MYBPC1: variants seen among roughly 807,000 people sequenced by gnomAD.
MYBPC1 encodes myosin binding protein C1.
Under a neutral mutation model 147.1 loss-of-function variants are expected in MYBPC1, and 52 were observed. That is an observed-to-expected ratio of 0.35 (90% CI 0.28 to 0.45). MYBPC1 has a LOEUF of 0.45. MYBPC1 is among the 20% of genes least tolerant of loss of function. The pLI, the probability that MYBPC1 is intolerant of heterozygous loss-of-function variation, is 1.00. For missense variants in MYBPC1, 1,228 were observed against 1,440.3 expected, an observed-to-expected ratio of 0.85 and a Z score of 2.39; for synonymous variants, 477 against 475.9, an observed-to-expected ratio of 1.00 and a Z score of -0.03.
chr12:101,657,090 C>T (rs1895671081), intron 18 of MYBPC1, among the ~76,000 whole-genome samples: 1 of 151,452 alleles, frequency 6.6e-6, no homozygotes, highest in African/African-American at 2.4e-5. Flanking sequence ...GCTGAAAATC[C>T]CTCAAATTCC....
At chr12:101,601,628 C>G (rs1338464866) in intron 1 of MYBPC1, among the ~76,000 whole-genome samples, 1 of 152,194 alleles carries the variant, frequency 6.6e-6, no homozygotes, top group Admixed American at 6.5e-5. Flanking sequence ...CTTTTATACT[C>G]CCTTAGGAAT....
intron 5 of MYBPC1, among the ~76,000 whole-genome samples, chr12:101,628,587 C>A (rs899492872): frequency 1.3e-5 from 2 of 152,144 alleles, no homozygotes; most frequent in South Asian, 2.1e-4. Context: ...GCAACCTATG[C>A]ATTTTTTTCC....
chr12:101,653,932 G>T (rs1169663934), intron 18 of MYBPC1, among the ~76,000 whole-genome samples: 1 of 152,146 alleles, frequency 6.6e-6, no homozygotes, highest in Admixed American at 6.5e-5. Context: ...GGCTGGGCAT[G>T]GTGGCTCATG....
intron 22 of MYBPC1, among the ~76,000 whole-genome samples, chr12:101,667,362 G>A (rs1465713169): frequency 6.6e-6 from 1 of 152,142 alleles, no homozygotes; most frequent in Non-Finnish European, 1.5e-5. Flanking sequence ...ACTTTAATGT[G>A]TATAGATGAC....
At chr12:101,637,509 G>A (rs540920664) in intron 10 of MYBPC1, among the ~76,000 whole-genome samples, 1 of 152,084 alleles carries the variant, frequency 6.6e-6, no homozygotes, top group Admixed American at 6.6e-5. Context: ...TTACTATAGT[G>A]CAGAAGCAAC....
chr12:101,652,619 G>C lies in MYBPC1; in HGVS notation c.1527-59G>C, dbSNP rs12318670. The C allele has an allele frequency of 2.6e-3, 3,152 of 1,201,098 alleles. 46 individuals are homozygous for C. In the African/African-American group the frequency reaches 0.039, roughly 15 times the overall value. 74.4% of individuals were successfully genotyped at this position (1,201,098 alleles called of 1,614,324 possible). A position where few individuals can be genotyped will look rare whatever the true frequency, so the allele number is the denominator to read the frequency against. Reference sequence around the variant, plus strand: ...TAAAGGTCAAGTGTCTTTTCAGCTTGGGTCATATATAAACTAGATCTTTGG... The same window carrying C: ...TAAAGGTCAAGTGTCTTTTCAGCTTCGGTCATATATAAACTAGATCTTTGG... On this transcript the variant is annotated intron_variant, in intron 16 of 31. Coordinates refer to ENST00000361466, the MANE Select transcript of MYBPC1 (RefSeq NM_002465.4).
chr12:101,690,323 CTAT>C (rs1352236409), downstream of MYBPC1, among the ~76,000 whole-genome samples: 3 of 152,208 alleles, frequency 2.0e-5, no homozygotes, highest in Non-Finnish European at 4.4e-5. Context: ...CCTTGCTTAG[CTAT>C]TATTTGGAGG....
In MYBPC1 at chr12:101,646,900, T is replaced by A; in HGVS notation, c.1090+13T>A. 6.2e-7 allele frequency: 1 copy of A among 1,613,922 alleles called. No homozygotes were observed. The highest frequency in any genetic ancestry group is 8.5e-7 in the Non-Finnish European group (1 of 1,179,898). On this transcript the variant is annotated intron_variant, in intron 13 of 31. Transcript: ENST00000361466. ...CTCTTCGTAAGAGGTAAAAATGAAA[T>A]CTCTTATTGTGGTCACCAGGAGCTG... is the stretch of plus-strand genomic sequence containing the variant.
At chr12:101,665,032 T>C (rs1025947123) in intron 22 of MYBPC1, among the ~76,000 whole-genome samples, 4 of 152,146 alleles carry the variant, frequency 2.6e-5, no homozygotes, top group African/African-American at 9.7e-5. Flanking sequence ...ATCGAGCAAA[T>C]TCTTTACTCT....
At chr12:101,642,623 G>T (rs774027946) in intron 11 of MYBPC1, 38 bp downstream of exon 11, 2 of 1,585,350 alleles carry the variant, frequency 1.3e-6, no homozygotes, top group Non-Finnish European at 1.7e-6. Flanking sequence ...GCCGAGGGGC[G>T]TGGCAGCGTT....
intron 3 of MYBPC1, among the ~76,000 whole-genome samples, chr12:101,625,183 T>C (rs932928805): frequency 1.1e-4 from 14 of 129,654 alleles, no homozygotes; most frequent in Non-Finnish European, 1.6e-5. Context: ...TATAGTTCCC[T>C]TAAAAAAAAA....
At chr12:101,640,214 G>A (rs1891757446) in intron 10 of MYBPC1, among the ~76,000 whole-genome samples, 1 of 152,036 alleles carries the variant, frequency 6.6e-6, no homozygotes, top group African/African-American at 2.4e-5. Flanking sequence ...GTTTCACCAT[G>A]TTGCCCAGGC....
At chr12:101,664,555 C>T (rs969468357) in intron 22 of MYBPC1, 1 of 152,324 alleles carries the variant, frequency 6.6e-6, no homozygotes, top group East Asian at 1.9e-4. Context: ...ATGCACCTCC[C>T]CTGGAGGAAA....
At chr12:101,652,884 GA>G in intron 17 of MYBPC1, 100 bp downstream of exon 17, 1 of 1,162,346 alleles carries the variant, frequency 8.6e-7, no homozygotes, top group Non-Finnish European at 1.3e-6. Flanking sequence ...GACATTTAAG[GA>G]AAAATACATC....
At chr12:101,596,189 A>C (rs943816773) in intron 1 of MYBPC1, among the ~76,000 whole-genome samples, 1 of 152,238 alleles carries the variant, frequency 6.6e-6, no homozygotes. Context: ...AAAGTCTTTT[A>C]AACATATTTT....
intron 18 of MYBPC1, among the ~76,000 whole-genome samples, chr12:101,657,993 G>T (rs1160897928): frequency 1.3e-5 from 2 of 152,004 alleles, no homozygotes; most frequent in Non-Finnish European, 2.9e-5. Flanking sequence ...TTAGCCGGGC[G>T]TGGTGGCTGC....
intron 18 of MYBPC1, among the ~76,000 whole-genome samples, chr12:101,658,676 G>C (rs11615371): frequency 0.38 from 57,900 of 151,930 alleles, 12,087 homozygotes; most frequent in Admixed American, 0.54. Flanking sequence ...TTGGGAGGGA[G>C]AAAAATAAAA....
intron 1 of MYBPC1, among the ~76,000 whole-genome samples, chr12:101,606,203 AACACACACACACACAC>A (rs113061042): frequency 6.9e-6 from 1 of 145,782 alleles, no homozygotes; most frequent in South Asian, 2.2e-4. Flanking sequence ...TCAAAAAAGA[AACACACACACACACAC>A]ACACACACAC....
chr12:101,687,481 C>T (rs1027800306), downstream of MYBPC1, among the ~76,000 whole-genome samples: 2 of 152,076 alleles, frequency 1.3e-5, no homozygotes, highest in African/African-American at 4.8e-5. Flanking sequence ...CATTGTTGGG[C>T]GTTCCAAGTC....
Sources: allele counts gnomAD v4.1 joint callset (sites outside exome capture counted in the v4.1 genomes callset), GRCh38; gene constraint gnomAD v4.1.1; transcripts MANE v1.5; gene names NCBI Gene and HGNC (gene_info 2026-07-23, HGNC 2026-07-21).